Variants in PCP4L1 observed in about 807,000 individuals in gnomAD.
The protein encoded by PCP4L1 is Purkinje cell protein 4 like 1.
A neutral mutation model predicts 9.6 loss-of-function variants in PCP4L1; 9 were observed. The ratio of observed to expected loss-of-function variants is 0.94; its 90% CI spans 0.57 to 1.64. PCP4L1 has a LOEUF of 1.64. PCP4L1 is among the 40% of genes most tolerant of loss of function. The pLI is 0.00. For missense variants in PCP4L1, 81 were observed against 80.8 expected (o/e 1.00, Z -0.01); for synonymous variants, 31 against 28.2 (o/e 1.10, Z -0.31).
chr1:161,259,335 C>G (rs943887610), intron 1 of PCP4L1, among the ~76,000 whole-genome samples: 1 of 152,158 alleles, frequency 6.6e-6, no homozygotes, highest in Middle Eastern at 3.2e-3. Context: ...CCTTACCCCC[C>G]TCACTTCGCT....
At chr1:161,281,970 C>G (rs1215889429) in intron 1 of PCP4L1, among the ~76,000 whole-genome samples, 1 of 152,138 alleles carries the variant, frequency 6.6e-6, no homozygotes, top group Non-Finnish European at 1.5e-5. Flanking sequence ...ACGCTCCTCA[C>G]TTCCCAGATG....
At chr1:161,280,663 G>T (rs1669779079) in intron 1 of PCP4L1, among the ~76,000 whole-genome samples, 1 of 151,934 alleles carries the variant, frequency 6.6e-6, no homozygotes, top group Non-Finnish European at 1.5e-5. Context: ...AAACTCAATG[G>T]TCAATCCAGT....
At chr1:161,271,451 T>G (rs1410900637) in intron 1 of PCP4L1, among the ~76,000 whole-genome samples, 1 of 152,240 alleles carries the variant, frequency 6.6e-6, no homozygotes, top group Non-Finnish European at 1.5e-5. Flanking sequence ...GCAAGCCTTT[T>G]ATCAGATATT....
chr1:161,270,549 T>C (rs1219823652), intron 1 of PCP4L1, among the ~76,000 whole-genome samples: 5 of 102,122 alleles, frequency 4.9e-5, no homozygotes, highest in African/African-American at 1.7e-4. Context: ...TTAGTACCCT[T>C]ATAAAAGAGA....
In PCP4L1 at chr1:161,284,361, G is replaced by T. The variant is rs1213250282; in HGVS notation, c.87G>T (p.Lys29Asn). Reference sequence around the variant, plus strand: ...CAGGAAAAGCTGGCAATGTCAAGAAGGCGGAGGAGGAGGAGGAGATTGACA... The same window carrying T: ...CAGGAAAAGCTGGCAATGTCAAGAATGCGGAGGAGGAGGAGGAGATTGACA... ...EEKGKAGNVK[K>N]AEEEEEIDID... Residue 29 changes from lysine to asparagine, a missense_variant, in exon 3 of 3, where the codon AAG (lysine) becomes AAT (asparagine). Physicochemically the swap from Lys to Asn is moderately conservative, Grantham distance 94. Transcript: ENST00000504449. 2 of 1,613,876 alleles carry T rather than the reference G, an allele frequency of 1.2e-6. No homozygotes were observed. Among genetic ancestry groups the T allele is most frequent in the African/African-American group, 2.7e-5 (2 of 74,924 alleles).
At chr1:161,263,991 T>C (rs1669464953) in intron 1 of PCP4L1, among the ~76,000 whole-genome samples, 1 of 139,320 alleles carries the variant, frequency 7.2e-6, no homozygotes, top group Non-Finnish European at 1.5e-5. Context: ...CTCACTGCAA[T>C]CTCTGCCTCC....
At chr1:161,264,320 C>G (rs1399386422) in intron 1 of PCP4L1, among the ~76,000 whole-genome samples, 2 of 151,526 alleles carry the variant, frequency 1.3e-5, no homozygotes, top group Non-Finnish European at 2.9e-5. Context: ...AGTTCGAGAC[C>G]AGCCTGGCCA....
chr1:161,267,778 T>C (rs1669554810), intron 1 of PCP4L1, among the ~76,000 whole-genome samples: 1 of 152,174 alleles, frequency 6.6e-6, no homozygotes, highest in African/African-American at 2.4e-5. Flanking sequence ...AGTGGTGCGA[T>C]GTTGGCTCAC....
chr1:161,259,356 C>G (rs536136322), intron 1 of PCP4L1, among the ~76,000 whole-genome samples: 7 of 152,278 alleles, frequency 4.6e-5, no homozygotes, highest in African/African-American at 1.7e-4. Flanking sequence ...TCTGTCCTCT[C>G]TCTCCTAGGG....
intron 1 of PCP4L1, among the ~76,000 whole-genome samples, chr1:161,264,754 G>A (rs1460400805): frequency 6.6e-6 from 1 of 152,134 alleles, no homozygotes; most frequent in East Asian, 1.9e-4. Flanking sequence ...TCTTGAGCCT[G>A]GGAGGTCAAG....
Position 161,258,897 on chromosome 1 carries a change from C to G in PCP4L1, c.-78C>G, listed in dbSNP as rs1669366549. Reference sequence around the variant, plus strand: ...TGCCGCAGAGCCCGGCAACTTTCAGCTGTCGCCCGCGGAGCCCCGAGGGCC... The same window carrying G: ...TGCCGCAGAGCCCGGCAACTTTCAGGTGTCGCCCGCGGAGCCCCGAGGGCC... On this transcript the variant is annotated 5_prime_UTR_variant, in exon 1 of 3. Transcript: ENST00000504449. 2 of 1,532,656 alleles carry G rather than the reference C, an allele frequency of 1.3e-6. No individual in the cohort carries two copies. The highest frequency in any genetic ancestry group is 2.4e-5 in the South Asian group (2 of 83,968). 94.9% of individuals were successfully genotyped at this position (1,532,656 alleles called of 1,614,324 possible). A position where few individuals can be genotyped will look rare whatever the true frequency, so the allele number is the denominator to read the frequency against.
At chr1:161,269,998 CA>C (rs34089226) in intron 1 of PCP4L1, among the ~76,000 whole-genome samples, 60 of 145,664 alleles carry the variant, frequency 4.1e-4, no homozygotes, top group Middle Eastern at 3.5e-3. Context: ...GACCTTGTCT[CA>C]AAAAAAAAAA....
At chr1:161,268,081 A>G (rs1669558914) in intron 1 of PCP4L1, among the ~76,000 whole-genome samples, 1 of 152,226 alleles carries the variant, frequency 6.6e-6, no homozygotes, top group South Asian at 2.1e-4. Context: ...AGTGGACGAA[A>G]GGACTCAATC....
intron 2 of PCP4L1, 33 bp from the exon 3 acceptor site, chr1:161,284,306 T>A: frequency 6.2e-7 from 1 of 1,613,798 alleles, no homozygotes; most frequent in South Asian, 1.1e-5. Context: ...CAGGTCAGAT[T>A]AACTCATTAA....
At chr1:161,261,797 G>A (rs891742019) in intron 1 of PCP4L1, among the ~76,000 whole-genome samples, 2 of 152,146 alleles carry the variant, frequency 1.3e-5, no homozygotes, top group African/African-American at 4.8e-5. Flanking sequence ...CAGGGGCTGG[G>A]GCAAGGGACA....
chr1:161,283,569 G>A, intron 1 of PCP4L1, 99 bp from the exon 2 acceptor site: 2 of 1,092,232 alleles, frequency 1.8e-6, no homozygotes, highest in Non-Finnish European at 2.7e-6. Flanking sequence ...AATGCACCTG[G>A]TAATAGGGTT....
intron 1 of PCP4L1, among the ~76,000 whole-genome samples, chr1:161,266,548 T>C (rs1319370664): frequency 6.6e-6 from 1 of 152,168 alleles, no homozygotes; most frequent in Non-Finnish European, 1.5e-5. Flanking sequence ...ATTCTGCCTC[T>C]GACTCCAGTT....
At chr1:161,260,173 AG>A (rs1669392599) in intron 1 of PCP4L1, among the ~76,000 whole-genome samples, 1 of 150,198 alleles carries the variant, frequency 6.7e-6, no homozygotes, top group Non-Finnish European at 1.5e-5. Context: ...GTTCCAGTTT[AG>A]ATACTAAAAA....
intron 1 of PCP4L1, 148 bp from the exon 2 acceptor site, chr1:161,283,520 T>C: frequency 1.5e-6 from 1 of 674,924 alleles, no homozygotes; most frequent in South Asian, 2.2e-5. Context: ...TTTCCTCTGG[T>C]CTCTGATCTC....
Sources: allele counts gnomAD v4.1 joint callset (sites outside exome capture counted in the v4.1 genomes callset), GRCh38; gene constraint gnomAD v4.1.1; transcripts MANE v1.5; gene names NCBI Gene and HGNC (gene_info 2026-07-23, HGNC 2026-07-21).